PTPRM: variants seen among roughly 807,000 people sequenced by gnomAD.
The protein encoded by PTPRM is protein tyrosine phosphatase receptor type M, also known as receptor-type tyrosine-protein phosphatase mu.
PTPRM carries 47 observed loss-of-function variants against 186.7 expected under a neutral mutation model. That is an observed-to-expected ratio of 0.25 (90% confidence interval 0.20 to 0.32). The LOEUF is 0.32. Ranked by LOEUF, PTPRM falls within the 10% of genes least tolerant of loss-of-function variation. PTPRM has a pLI of 1.00. For missense variants in PTPRM, 1,494 were observed against 1,865.0 expected (o/e 0.80, Z 3.66); for synonymous variants, 668 against 674.9 (o/e 0.99, Z 0.16).
intron 11 of PTPRM, among the ~76,000 whole-genome samples, chr18:8,113,161 T>C (rs1399258543): frequency 6.6e-6 from 1 of 152,228 alleles, no homozygotes; most frequent in African/African-American, 2.4e-5. Context: ...AAAATCATCG[T>C]CAGTTACATG....
intron 13 of PTPRM, among the ~76,000 whole-genome samples, chr18:8,123,125 G>T (rs2092233516): frequency 6.6e-6 from 1 of 152,160 alleles, no homozygotes; most frequent in Non-Finnish European, 1.5e-5. Context: ...TGAGTAGTTA[G>T]TGAACTCCAA....
chr18:7,871,399 G>C (rs1451438499), intron 2 of PTPRM, among the ~76,000 whole-genome samples: 1 of 152,140 alleles, frequency 6.6e-6, no homozygotes, highest in Non-Finnish European at 1.5e-5. Context: ...GTTTTCTGCG[G>C]TGCCATTCTG....
intron 1 of PTPRM, among the ~76,000 whole-genome samples, chr18:7,641,927 C>A (rs925873907): frequency 3.3e-5 from 5 of 152,092 alleles, no homozygotes; most frequent in African/African-American, 1.2e-4. Context: ...TAAGGCGAAT[C>A]CAGGTCAGAA....
At chr18:8,167,258 C>A (rs779841971) in intron 14 of PTPRM, among the ~76,000 whole-genome samples, 1 of 152,216 alleles carries the variant, frequency 6.6e-6, no homozygotes, top group Non-Finnish European at 1.5e-5. Context: ...GCCTGTCTTA[C>A]CCACATGCGG....
chr18:7,828,254 T>C (rs1041611034), intron 2 of PTPRM, among the ~76,000 whole-genome samples: 1 of 151,854 alleles, frequency 6.6e-6, no homozygotes, highest in Non-Finnish European at 1.5e-5. Context: ...TTTTTATTTT[T>C]TAATTTTATT....
intron 7 of PTPRM, among the ~76,000 whole-genome samples, chr18:7,994,638 C>T (rs184237971): frequency 2.0e-5 from 3 of 152,114 alleles, no homozygotes; most frequent in East Asian, 3.9e-4. Flanking sequence ...TTTATCAGAA[C>T]ACAATGGAAT....
Position 8,343,530 on chromosome 18 carries a change from C to T in PTPRM, c.3054+10C>T, listed in dbSNP as rs773037171. On this transcript the variant is annotated intron_variant, in intron 23 of 32. Coordinates refer to ENST00000580170, the MANE Select transcript of PTPRM (RefSeq NM_001105244.2). Reference sequence around the variant, plus strand: ...TGTGGAAGTGGGAAGGGTGAGTGGACCGTCTGCTGCAAATGGCCATTTTGT... The same window carrying T: ...TGTGGAAGTGGGAAGGGTGAGTGGATCGTCTGCTGCAAATGGCCATTTTGT... 3 of 1,611,860 alleles carry T rather than the reference C, an allele frequency of 1.9e-6. No individual in the cohort carries two copies. The highest frequency in any genetic ancestry group is 1.1e-5 in the South Asian group (1 of 90,692).
intron 1 of PTPRM, among the ~76,000 whole-genome samples, chr18:7,687,815 G>T (rs909879476): frequency 8.2e-5 from 12 of 146,692 alleles, no homozygotes; most frequent in Non-Finnish European, 1.5e-4. Flanking sequence ...GTCTCACTGT[G>T]TCACCAGACT....
chr18:8,137,703 G>T (rs2092669819), intron 13 of PTPRM, among the ~76,000 whole-genome samples: 1 of 152,114 alleles, frequency 6.6e-6, no homozygotes, highest in South Asian at 2.1e-4. Flanking sequence ...CCCTGCTCCA[G>T]ACCCTGCCCT....
chr18:8,353,429 T>C (rs1356646662), intron 23 of PTPRM, among the ~76,000 whole-genome samples: 1 of 152,100 alleles, frequency 6.6e-6, no homozygotes, highest in Non-Finnish European at 1.5e-5. Flanking sequence ...GAGACACGTT[T>C]AGGAGGTTAG....
intron 21 of PTPRM, among the ~76,000 whole-genome samples, chr18:8,317,480 G>A (rs1293035082): frequency 6.6e-6 from 1 of 152,114 alleles, no homozygotes; most frequent in African/African-American, 2.4e-5. Flanking sequence ...GTCTAGGCTG[G>A]AAACAAGAAT....
In PTPRM at chr18:8,379,276, G is replaced by A. The variant is rs964032193; in HGVS notation, c.3722G>A (p.Cys1241Tyr). 7.4e-6 allele frequency: 12 copies of A among 1,613,948 alleles called. No homozygotes were observed. The highest frequency in any genetic ancestry group is 1.0e-5 in the Non-Finnish European group (12 of 1,180,012). ...RCMDILPPDR[C>Y]LPFLITIDGE... ...ATGGACATCCTGCCCCCAGACCGCT[G>A]CCTGCCCTTCCTCATCACCATCGAT... Residue 1241 changes from cysteine to tyrosine, a missense_variant, in exon 28 of 33, where the codon TGC (cysteine) becomes TAC (tyrosine). Coordinates refer to ENST00000580170, the MANE Select transcript of PTPRM (RefSeq NM_001105244.2).
intron 14 of PTPRM, among the ~76,000 whole-genome samples, chr18:8,241,445 G>A (rs918075475): frequency 2.0e-5 from 3 of 152,184 alleles, no homozygotes; most frequent in Non-Finnish European, 4.4e-5. Flanking sequence ...TTTCCAAAGT[G>A]CTGTTATTGA....
chr18:7,902,286 G>A (rs1330062029), intron 3 of PTPRM, among the ~76,000 whole-genome samples: 1 of 152,226 alleles, frequency 6.6e-6, no homozygotes, highest in East Asian at 1.9e-4. Context: ...TAAAATTGCA[G>A]ATAGAAGCTT....
chr18:8,098,648 C>G (rs2091130334), intron 11 of PTPRM, among the ~76,000 whole-genome samples: 1 of 152,004 alleles, frequency 6.6e-6, no homozygotes, highest in South Asian at 2.1e-4. Flanking sequence ...AAGATTGCTT[C>G]AAATAAGCCA....
chr18:7,693,021 A>C (rs993785684), intron 1 of PTPRM, among the ~76,000 whole-genome samples: 3 of 152,218 alleles, frequency 2.0e-5, no homozygotes, highest in Admixed American at 2.0e-4. Flanking sequence ...ACTGAATTTC[A>C]CATGAGCACC....
At chr18:8,178,901 A>G (rs1393221005) in intron 14 of PTPRM, among the ~76,000 whole-genome samples, 1 of 152,234 alleles carries the variant, frequency 6.6e-6, no homozygotes, top group Admixed American at 6.5e-5. Flanking sequence ...GGTTTGTACC[A>G]TCAAATACCT....
intron 14 of PTPRM, among the ~76,000 whole-genome samples, chr18:8,158,252 T>C (rs1437140457): frequency 2.0e-5 from 3 of 152,254 alleles, no homozygotes; most frequent in African/African-American, 7.2e-5. Context: ...ACTACTAAAA[T>C]TGATCATTCT....
At chr18:7,759,544 C>T (rs1418196592) in intron 1 of PTPRM, among the ~76,000 whole-genome samples, 2 of 152,182 alleles carry the variant, frequency 1.3e-5, no homozygotes, top group African/African-American at 2.4e-5. Flanking sequence ...ATTATGAAGT[C>T]ATTGAATTTG....
Sources: allele counts gnomAD v4.1 joint callset (sites outside exome capture counted in the v4.1 genomes callset), GRCh38; gene constraint gnomAD v4.1.1; transcripts MANE v1.5; gene names NCBI Gene and HGNC (gene_info 2026-07-23, HGNC 2026-07-21).